SH3D19: variants seen among roughly 807,000 people sequenced by gnomAD.
SH3D19 encodes SH3 domain containing 19.
In SH3D19, 58 loss-of-function variants were observed where a neutral mutation model predicts 112.1. The ratio of observed to expected loss-of-function variants is 0.52; its 90% CI spans 0.42 to 0.64. The LOEUF (loss-of-function observed/expected upper bound fraction) is 0.64. SH3D19 is among the 30% of genes least tolerant of loss of function. SH3D19 has a pLI of 0.00. For missense variants in SH3D19, 1,090 were observed against 1,263.4 expected (o/e 0.86, Z 2.08); for synonymous variants, 391 against 448.5 (o/e 0.87, Z 1.62).
intron 11 of SH3D19, among the ~76,000 whole-genome samples, chr4:151,144,997 G>C (rs1293053383): frequency 6.6e-6 from 1 of 152,144 alleles, no homozygotes. Flanking sequence ...CCTGGGCCTT[G>C]GATCACCCAG....
chr4:151,263,742 T>C (rs1267019532), intron 1 of SH3D19, among the ~76,000 whole-genome samples: 1 of 151,834 alleles, frequency 6.6e-6, no homozygotes, highest in Non-Finnish European at 1.5e-5. Flanking sequence ...CCAGAGTGAA[T>C]GATCCAAGAC....
At chr4:151,124,357 T>G (rs1204850935) in intron 19 of SH3D19, among the ~76,000 whole-genome samples, 1 of 151,274 alleles carries the variant, frequency 6.6e-6, no homozygotes, top group African/African-American at 2.4e-5. Flanking sequence ...TCCACTCACC[T>G]TGGCCTCCCA....
intron 1 of SH3D19, among the ~76,000 whole-genome samples, chr4:151,313,724 G>T (rs1729722941): frequency 6.6e-6 from 1 of 152,142 alleles, no homozygotes; most frequent in Non-Finnish European, 1.5e-5. Flanking sequence ...CACTTTCACT[G>T]AGAGTAACCA....
chr4:151,158,695 TA>T (rs56869562), intron 9 of SH3D19, among the ~76,000 whole-genome samples: 1 of 147,844 alleles, frequency 6.8e-6, no homozygotes. Flanking sequence ...AAAAAAAAAA[TA>T]AATAAAAGTA....
At chr4:151,127,298 G>A (rs2149725629) in intron 19 of SH3D19, among the ~76,000 whole-genome samples, 1 of 152,334 alleles carries the variant, frequency 6.6e-6, no homozygotes, top group South Asian at 2.1e-4. Context: ...ACAGTCATCT[G>A]TTACCAGGGC....
intron 3 of SH3D19, 50 bp downstream of exon 3, chr4:151,187,373 A>G (rs956807188): frequency 9.4e-7 from 1 of 1,060,528 alleles, no homozygotes; most frequent in Non-Finnish European, 1.2e-6. Flanking sequence ...CTAAATCATC[A>G]CTTAAAATTA....
chr4:151,276,681 A>G (rs1248537027), intron 1 of SH3D19, among the ~76,000 whole-genome samples: 1 of 152,162 alleles, frequency 6.6e-6, no homozygotes, highest in Non-Finnish European at 1.5e-5. Context: ...CCTGCACACA[A>G]ATCTCTGTCT....
At chr4:151,183,681 C>A (rs991837067) in intron 3 of SH3D19, among the ~76,000 whole-genome samples, 2 of 151,982 alleles carry the variant, frequency 1.3e-5, no homozygotes, top group Non-Finnish European at 2.9e-5. Flanking sequence ...TTATAAATAC[C>A]CTTGCTATAG....
At chr4:151,144,284 G>A (rs1448697677) in intron 11 of SH3D19, 8 of 1,613,850 alleles carry the variant, frequency 5.0e-6, no homozygotes, top group Non-Finnish European at 6.8e-6. Flanking sequence ...ATGAGGCACA[G>A]ACAGCTTAAA....
At chr4:151,288,713 T>G (rs1377503921) in intron 1 of SH3D19, among the ~76,000 whole-genome samples, 1 of 152,108 alleles carries the variant, frequency 6.6e-6, no homozygotes, top group Non-Finnish European at 1.5e-5. Flanking sequence ...TGTATTTCCA[T>G]GCAGTTGCAA....
chr4:151,187,112 T>C (rs779354757), intron 3 of SH3D19, among the ~76,000 whole-genome samples: 23 of 151,478 alleles, frequency 1.5e-4, no homozygotes, highest in Non-Finnish European at 2.8e-4. Flanking sequence ...AAATTTATAT[T>C]AGATCACAGA....
chr4:151,271,472 T>C lies in SH3D19; in HGVS notation c.113-45386A>G, dbSNP rs1773221351. ...CAGCAGTGGTTCTCCCAGGGGACAT[T>C]TGGCAATGTCTGGGGATATTTTTGG... On this transcript the variant is annotated intron_variant, in intron 1 of 19. Transcript: ENST00000604030. 2.6e-5 allele frequency among the ~76,000 whole-genome samples: 4 copies of C among 152,332 alleles called. No individual in the cohort carries two copies. In the South Asian group the frequency reaches 6.2e-4, roughly 24 times the overall value.
At chr4:151,171,390 A>G (rs59616944) in intron 7 of SH3D19, among the ~76,000 whole-genome samples, 1 of 152,212 alleles carries the variant, frequency 6.6e-6, no homozygotes, top group Non-Finnish European at 1.5e-5. Context: ...ACAAAAAACA[A>G]AAAACACGGA....
Position 151,165,534 on chromosome 4 carries a change from T to G in SH3D19, c.1642+55A>C. ...AAAAGCAGACATTGATAAATTAGCA[T>G]ATATTTCTCCCAGCCTCTTGAAGAA... On this transcript the variant is annotated intron_variant, in intron 8 of 19. Coordinates refer to ENST00000604030, the MANE Select transcript of SH3D19 (RefSeq NM_001378122.1). 3.0e-6 allele frequency: 4 copies of G among 1,332,556 alleles called. 1 individual carries two copies. The South Asian group carries it at 5.0e-5, about 17-fold the overall frequency. The allele number at this position is 1,332,556 out of a possible 1,614,324, so 82.5% of individuals were successfully genotyped here. A position where few individuals can be genotyped will look rare whatever the true frequency, so the allele number is the denominator to read the frequency against.
chr4:151,213,792 T>C (rs988319815), intron 2 of SH3D19, among the ~76,000 whole-genome samples: 12 of 151,632 alleles, frequency 7.9e-5, no homozygotes, highest in Non-Finnish European at 2.9e-5. Flanking sequence ...GCTTAGCTAA[T>C]CCTCCTGCCT....
intron 11 of SH3D19, chr4:151,144,532 A>G (rs6818900): frequency 0.36 from 177,752 of 490,710 alleles, 36,340 homozygotes; most frequent in Non-Finnish European, 0.44. Context: ...CATTCCCTTA[A>G]TGACCATAAC....
intron 15 of SH3D19, 94 bp from the exon 16 acceptor site, chr4:151,133,330 G>A (rs1423266313): frequency 9.7e-7 from 1 of 1,026,174 alleles, no homozygotes; most frequent in Non-Finnish European, 1.5e-6. Flanking sequence ...ATTTATTCTG[G>A]GTTTACCATG....
At chr4:151,281,033 A>C in intron 1 of SH3D19, among the ~76,000 whole-genome samples, 1 of 152,210 alleles carries the variant, frequency 6.6e-6, no homozygotes. Flanking sequence ...ACAGGAAAAC[A>C]CAGGATCCAG....
At chr4:151,284,873 G>T (rs1426095991) in intron 1 of SH3D19, among the ~76,000 whole-genome samples, 1 of 152,174 alleles carries the variant, frequency 6.6e-6, no homozygotes, top group Non-Finnish European at 1.5e-5. Flanking sequence ...GCACATGTAT[G>T]TAATTCAGGG....
Sources: gnomAD v4.1 joint callset for allele counts (sites outside exome capture counted in the v4.1 genomes callset) on GRCh38, gnomAD v4.1.1 for gene constraint, MANE v1.5 for transcripts, NCBI Gene and HGNC (gene_info 2026-07-23, HGNC 2026-07-21) for gene names.